CNOT4: variants seen among roughly 807,000 people sequenced by gnomAD.
CNOT4 encodes the protein CCR4-NOT transcription complex subunit 4.
CNOT4 carries 8 observed loss-of-function variants against 73.8 expected under a neutral mutation model. That is an observed-to-expected ratio of 0.11 (90% confidence interval 0.06 to 0.20). The LOEUF (loss-of-function observed/expected upper bound fraction) is 0.20. CNOT4 is among the 10% of genes least tolerant of loss of function. The probability of loss-of-function intolerance (pLI) is 1.00; values close to 1 mark genes in which losing one functional copy is unlikely to be tolerated. For missense variants in CNOT4, 564 were observed against 883.4 expected (o/e 0.64, Z 4.58); for synonymous variants, 293 against 321.1 (o/e 0.91, Z 0.94).
In CNOT4 at chr7:135,456,735, T is replaced by C. The variant is rs969213244; in HGVS notation, c.-92-18312A>G. ...TACTGTGACATAATTTTTTTATTTA[T>C]ATTTTTTGTTGTCTCCACCCCATCC... On this transcript the variant is annotated intron_variant, in intron 1 of 11. Coordinates refer to ENST00000541284, the MANE Select transcript of CNOT4 (RefSeq NM_001190850.2). 4.4e-4 allele frequency among the ~76,000 whole-genome samples: 67 copies of C among 152,192 alleles called. 1 individual carries two copies. Among genetic ancestry groups the C allele is most frequent in the African/African-American group, 1.3e-3 (56 of 41,560 alleles).
intron 10 of CNOT4, among the ~76,000 whole-genome samples, chr7:135,380,117 G>C (rs1173602784): frequency 9.3e-5 from 14 of 150,802 alleles, no homozygotes; most frequent in Non-Finnish European, 1.8e-4. Context: ...CAACTTCCTT[G>C]ATTGGGGAAA....
At chr7:135,408,693 A>C (rs937071909) in intron 7 of CNOT4, among the ~76,000 whole-genome samples, 2 of 152,106 alleles carry the variant, frequency 1.3e-5, no homozygotes, top group African/African-American at 4.8e-5. Context: ...CAATTCACTT[A>C]ACGTGCACAG....
intron 7 of CNOT4, among the ~76,000 whole-genome samples, chr7:135,408,585 C>G (rs1797427951): frequency 6.6e-6 from 1 of 152,122 alleles, no homozygotes; most frequent in Non-Finnish European, 1.5e-5. Context: ...AGAGCTCATC[C>G]TAGCAAATCA....
intron 3 of CNOT4, among the ~76,000 whole-genome samples, 169 bp downstream of exon 3, chr7:135,421,987 C>T (rs1159328730): frequency 1.3e-5 from 2 of 152,292 alleles, no homozygotes; most frequent in Middle Eastern, 3.4e-3. Context: ...CCTAAGATCA[C>T]GACTGGTCAT....
intron 1 of CNOT4, among the ~76,000 whole-genome samples, chr7:135,506,773 G>A (rs1359218266): frequency 6.6e-6 from 1 of 151,904 alleles, no homozygotes; most frequent in Non-Finnish European, 1.5e-5. Flanking sequence ...GCTTGAACCT[G>A]GGAGGCAGAG....
At chr7:135,481,036 T>C (rs1244279435) in intron 1 of CNOT4, among the ~76,000 whole-genome samples, 2 of 147,854 alleles carry the variant, frequency 1.4e-5, no homozygotes, top group African/African-American at 4.9e-5. Flanking sequence ...TAAGCAAAGA[T>C]TTTTATGGCT....
At chr7:135,481,373 A>C (rs762579796) in intron 1 of CNOT4, among the ~76,000 whole-genome samples, 1 of 152,218 alleles carries the variant, frequency 6.6e-6, no homozygotes, top group Non-Finnish European at 1.5e-5. Flanking sequence ...ACAATTCTAA[A>C]CCACAATGAG....
intron 1 of CNOT4, among the ~76,000 whole-genome samples, chr7:135,461,716 T>C (rs1800888744): frequency 6.6e-6 from 1 of 152,098 alleles, no homozygotes; most frequent in African/African-American, 2.4e-5. Flanking sequence ...CCTATAATTA[T>C]GGCTATTCAG....
intron 10 of CNOT4, chr7:135,384,751 T>C (rs1307736906): frequency 2.6e-6 from 2 of 764,732 alleles, no homozygotes; most frequent in African/African-American, 3.4e-5. Flanking sequence ...TTTAGGTTCT[T>C]CTTCTCCCTT....
chr7:135,405,250 CT>C (rs754599928), intron 7 of CNOT4, among the ~76,000 whole-genome samples: 2 of 152,142 alleles, frequency 1.3e-5, no homozygotes, highest in African/African-American at 4.8e-5. Context: ...AGACTCAAAA[CT>C]TTTATTCCAC....
At chr7:135,459,104 T>C (rs1162717109) in intron 1 of CNOT4, among the ~76,000 whole-genome samples, 1 of 151,758 alleles carries the variant, frequency 6.6e-6, no homozygotes, top group East Asian at 1.9e-4. Context: ...GACTGCAGAA[T>C]AGATGTTGTG....
chr7:135,475,969 C>T (rs1399546999), intron 1 of CNOT4, among the ~76,000 whole-genome samples: 3 of 151,994 alleles, frequency 2.0e-5, no homozygotes, highest in Middle Eastern at 3.2e-3. Flanking sequence ...TTTAAAGTTG[C>T]TATGTAGAAA....
chr7:135,465,288 C>T (rs763972076), intron 1 of CNOT4, among the ~76,000 whole-genome samples: 1 of 152,146 alleles, frequency 6.6e-6, no homozygotes, highest in South Asian at 2.1e-4. Flanking sequence ...CCCTTGGAAT[C>T]TTCACCCACA....
At chr7:135,411,289 T>C (rs1363352141) in intron 6 of CNOT4, among the ~76,000 whole-genome samples, 1 of 152,050 alleles carries the variant, frequency 6.6e-6, no homozygotes, top group Non-Finnish European at 1.5e-5. Context: ...ATAAATAAAG[T>C]TTTACTGGAA....
intron 3 of CNOT4, among the ~76,000 whole-genome samples, chr7:135,418,960 G>A (rs1440574284): frequency 6.6e-6 from 1 of 152,102 alleles, no homozygotes; most frequent in Non-Finnish European, 1.5e-5. Flanking sequence ...GCTTGTGTCT[G>A]GCTTGCTAAC....
intron 10 of CNOT4, among the ~76,000 whole-genome samples, chr7:135,385,899 C>G (rs569021944): frequency 6.6e-6 from 1 of 152,018 alleles, no homozygotes; most frequent in South Asian, 2.1e-4. Flanking sequence ...GTTCAAGTCA[C>G]TATACAGAAT....
chr7:135,384,613 C>T, intron 10 of CNOT4: 2 of 759,502 alleles, frequency 2.6e-6, no homozygotes, highest in Admixed American at 3.4e-5. Flanking sequence ...ATACCACATG[C>T]TCGTCTCAGG....
intron 1 of CNOT4, among the ~76,000 whole-genome samples, chr7:135,499,503 A>G (rs1009947491): frequency 5.3e-5 from 8 of 152,138 alleles, no homozygotes; most frequent in Admixed American, 6.6e-5. Flanking sequence ...AACATAAACT[A>G]TTAATAATTT....
At chr7:135,446,604 C>A (rs1799847472) in intron 1 of CNOT4, among the ~76,000 whole-genome samples, 1 of 151,806 alleles carries the variant, frequency 6.6e-6, no homozygotes, top group Non-Finnish European at 1.5e-5. Flanking sequence ...AGTGCAAGTC[C>A]ACTGAATACA....
Sources: allele counts gnomAD v4.1 joint callset (sites outside exome capture counted in the v4.1 genomes callset), GRCh38; gene constraint gnomAD v4.1.1; transcripts MANE v1.5; gene names NCBI Gene and HGNC (gene_info 2026-07-23, HGNC 2026-07-21).